NLGN1: variants seen among roughly 807,000 people sequenced by gnomAD.
The protein encoded by NLGN1 is neuroligin 1.
NLGN1 carries 12 observed loss-of-function variants against 65.5 expected under a neutral mutation model. The observed-to-expected ratio is 0.18, with a 90% CI of 0.12 to 0.30. The LOEUF is 0.30. Ranked by LOEUF, NLGN1 falls within the 10% of genes least tolerant of loss-of-function variation. The pLI is 1.00. For synonymous variants in NLGN1, 350 were observed against 359.5 expected, an observed-to-expected ratio of 0.97 and a Z score of 0.30; for missense variants, 750 against 1,007.1, an observed-to-expected ratio of 0.74 and a Z score of 3.46.
intron 4 of NLGN1, among the ~76,000 whole-genome samples, chr3:173,838,094 A>AT (rs751726273): frequency 6.6e-6 from 1 of 152,020 alleles, no homozygotes; most frequent in Non-Finnish European, 1.5e-5. Context: ...GTAGAATGAG[A>AT]TTTTTTTGAT....
chr3:173,981,237 A>C (rs1205047659), intron 4 of NLGN1, among the ~76,000 whole-genome samples: 1 of 152,146 alleles, frequency 6.6e-6, no homozygotes, highest in East Asian at 1.9e-4. Context: ...TGTGCTTAAC[A>C]ATATTCAGCT....
At chr3:173,590,385 G>A (rs1748270247) in intron 2 of NLGN1, among the ~76,000 whole-genome samples, 1 of 152,134 alleles carries the variant, frequency 6.6e-6, no homozygotes, top group South Asian at 2.1e-4. Flanking sequence ...CAAGATTGAT[G>A]CCAAAAGTCC....
At chr3:173,830,037 T>C (rs1027812626) in intron 4 of NLGN1, among the ~76,000 whole-genome samples, 1 of 149,452 alleles carries the variant, frequency 6.7e-6, no homozygotes, top group Non-Finnish European at 1.5e-5. Flanking sequence ...TAAAAAGAAG[T>C]CTTTGTGTCC....
At chr3:174,048,406 A>G (rs1372981820) in intron 4 of NLGN1, among the ~76,000 whole-genome samples, 1 of 152,214 alleles carries the variant, frequency 6.6e-6, no homozygotes, top group Middle Eastern at 3.4e-3. Flanking sequence ...AGGTGAAATC[A>G]TTGGTGTCAA....
chr3:173,858,905 T>C (rs759759991), intron 4 of NLGN1, among the ~76,000 whole-genome samples: 3 of 152,082 alleles, frequency 2.0e-5, no homozygotes, highest in Non-Finnish European at 2.9e-5. Context: ...GGAAACCACA[T>C]TGATAATGTC....
chr3:173,499,154 C>T (rs985082374), intron 2 of NLGN1, among the ~76,000 whole-genome samples: 4 of 151,524 alleles, frequency 2.6e-5, no homozygotes, highest in Admixed American at 2.0e-4. Context: ...AATGGTATTG[C>T]CTAGGTTTTC....
chr3:173,497,621 C>T (rs905401255), intron 2 of NLGN1, among the ~76,000 whole-genome samples: 1 of 151,554 alleles, frequency 6.6e-6, no homozygotes, highest in Non-Finnish European at 1.5e-5. Context: ...AGTGTGTAAG[C>T]TACAAAAAAT....
intron 1 of NLGN1, among the ~76,000 whole-genome samples, chr3:173,407,504 G>T (rs1286360504): frequency 2.6e-5 from 4 of 152,142 alleles, no homozygotes; most frequent in Non-Finnish European, 5.9e-5. Context: ...CTGTATATAA[G>T]TTACCATGAT....
At chr3:173,554,952 G>A (rs1455402149) in intron 2 of NLGN1, among the ~76,000 whole-genome samples, 2 of 152,056 alleles carry the variant, frequency 1.3e-5, no homozygotes, top group South Asian at 2.1e-4. Flanking sequence ...GCCCTTCTAG[G>A]GGATGAGAAA....
At chr3:173,747,059 T>TACACACACACACACAC (rs3033827) in intron 3 of NLGN1, among the ~76,000 whole-genome samples, 98 of 130,402 alleles carry the variant, frequency 7.5e-4, no homozygotes, top group African/African-American at 2.5e-3. Flanking sequence ...AAATTATATA[T>TACACACACACACACAC]ACACACACAC....
chr3:173,553,137 C>T (rs557402811), intron 2 of NLGN1, among the ~76,000 whole-genome samples: 1 of 152,152 alleles, frequency 6.6e-6, no homozygotes, highest in South Asian at 2.1e-4. Flanking sequence ...ATTGTAAATA[C>T]TTGGAGGATT....
chr3:173,619,697 A>G (rs1413598835), intron 3 of NLGN1, among the ~76,000 whole-genome samples: 2 of 152,210 alleles, frequency 1.3e-5, no homozygotes, highest in Non-Finnish European at 2.9e-5. Flanking sequence ...TGGCAGAACC[A>G]GGATTCAATG....
chr3:173,797,171 T>C (rs1714276963), intron 3 of NLGN1, among the ~76,000 whole-genome samples: 1 of 152,110 alleles, frequency 6.6e-6, no homozygotes, highest in Admixed American at 6.6e-5. Flanking sequence ...GAGAAACCAG[T>C]GTGGAGTTTC....
At chr3:173,531,429 A>T (rs1736549735) in intron 2 of NLGN1, among the ~76,000 whole-genome samples, 1 of 152,066 alleles carries the variant, frequency 6.6e-6, no homozygotes, top group Admixed American at 6.6e-5. Flanking sequence ...ATGATATTCA[A>T]TTTTTAGAAA....
chr3:173,569,771 G>C (rs1577323976), intron 2 of NLGN1, among the ~76,000 whole-genome samples: 1 of 151,902 alleles, frequency 6.6e-6, no homozygotes, highest in South Asian at 2.1e-4. Context: ...GAGCTGCTGG[G>C]GTCCATGACT....
At chr3:173,842,009 A>G (rs1724867848) in intron 4 of NLGN1, among the ~76,000 whole-genome samples, 1 of 152,190 alleles carries the variant, frequency 6.6e-6, no homozygotes, top group Non-Finnish European at 1.5e-5. Flanking sequence ...TTTACAAAGG[A>G]AAGTGGTTTA....
intron 3 of NLGN1, among the ~76,000 whole-genome samples, chr3:173,726,190 G>T (rs1167003259): frequency 1.3e-5 from 2 of 151,420 alleles, no homozygotes. Flanking sequence ...GTCATCTTAG[G>T]GCATGTTCTT....
intron 3 of NLGN1, among the ~76,000 whole-genome samples, chr3:173,767,329 G>T (rs1278219725): frequency 2.0e-5 from 3 of 152,038 alleles, no homozygotes; most frequent in African/African-American, 7.2e-5. Context: ...CAAAATTGGT[G>T]TCTGACCTAT....
rs116441459 is a variant in NLGN1, at chr3:173,659,697, T to A, written c.493+54606T>A. Among the ~76,000 whole-genome samples, 1,442 of 151,948 alleles carry A rather than the reference T, an allele frequency of 9.5e-3. 17 individuals are homozygous for A. The highest frequency in any genetic ancestry group is 0.033 in the African/African-American group (1,358 of 41,496). On this transcript the variant is annotated intron_variant, in intron 3 of 6. Coordinates refer to ENST00000457714, the Ensembl canonical transcript of NLGN1. Reference sequence around the variant, plus strand: ...TTCACAAATTTAGAGCACTGCTAGCTTCAAATCATGGTGTGTACCTTATGG... The same window carrying A: ...TTCACAAATTTAGAGCACTGCTAGCATCAAATCATGGTGTGTACCTTATGG...
Sources: allele counts gnomAD v4.1 joint callset (sites outside exome capture counted in the v4.1 genomes callset), GRCh38; gene constraint gnomAD v4.1.1; transcripts MANE v1.5; gene names NCBI Gene and HGNC (gene_info 2026-07-23, HGNC 2026-07-21).